Variants in STRBP observed in about 807,000 individuals in gnomAD.
STRBP encodes the protein spermatid perinuclear RNA-binding protein.
STRBP carries 13 observed loss-of-function variants against 80.1 expected under a neutral mutation model. The observed-to-expected ratio is 0.16, with a 90% CI of 0.11 to 0.26. STRBP has a LOEUF of 0.26. STRBP is among the 10% of genes least tolerant of loss of function. STRBP has a pLI of 1.00. For synonymous variants in STRBP, 284 were observed against 291.2 expected (o/e 0.98, Z 0.25); for missense variants, 485 against 815.2 (o/e 0.59, Z 4.93).
chr9:123,133,544 G>GT (rs1353811183), intron 16 of STRBP, among the ~76,000 whole-genome samples: 2 of 147,694 alleles, frequency 1.4e-5, no homozygotes, highest in African/African-American at 4.9e-5. Context: ...ATCTTTTTTT[G>GT]GTTTTTTTTT....
chr9:123,244,616 T>A (rs1340723588), intron 1 of STRBP, among the ~76,000 whole-genome samples: 1 of 152,166 alleles, frequency 6.6e-6, no homozygotes, highest in Non-Finnish European at 1.5e-5. Context: ...ACTGCTCCAA[T>A]GAAGTCTACT....
chr9:123,147,139 T>C, intron 12 of STRBP, 85 bp from the exon 13 acceptor site: 2 of 1,142,722 alleles, frequency 1.8e-6, no homozygotes, highest in Non-Finnish European at 1.2e-6. Context: ...GTAACTACTG[T>C]AAATTCACCA....
chr9:123,207,942 T>C (rs2039578618), intron 2 of STRBP, among the ~76,000 whole-genome samples: 1 of 152,210 alleles, frequency 6.6e-6, no homozygotes, highest in African/African-American at 2.4e-5. Context: ...TTTTTAAAAT[T>C]ATGTGAACAC....
intron 3 of STRBP, chr9:123,113,177 A>G (rs1402629932): frequency 1.2e-5 from 2 of 167,204 alleles, no homozygotes; most frequent in Non-Finnish European, 2.9e-5. Flanking sequence ...AACCACAGAC[A>G]TGGTCCTCCA....
chr9:123,124,536 G>A lies in STRBP; in HGVS notation c.*1061C>T. On this transcript the variant is annotated 3_prime_UTR_variant, in exon 19 of 19. Transcript: ENST00000348403. Reference sequence around the variant, plus strand: ...CTCAACAAGAACTGGGACAATCGAAGAGCAAGTTTTTATGGGGACCCTGTT... The same window carrying A: ...CTCAACAAGAACTGGGACAATCGAAAAGCAAGTTTTTATGGGGACCCTGTT... 1.0e-6 allele frequency: 1 copy of A among 985,390 alleles called. No homozygotes were observed. Among genetic ancestry groups the A allele is most frequent in the South Asian group, 4.7e-5 (1 of 21,278 alleles). 61.0% of individuals were successfully genotyped at this position (985,390 alleles called of 1,614,324 possible).
chr9:123,204,151 G>A (rs1221549534), intron 2 of STRBP, among the ~76,000 whole-genome samples: 2 of 152,084 alleles, frequency 1.3e-5, no homozygotes, highest in Non-Finnish European at 2.9e-5. Context: ...AAACACAAAC[G>A]AATTTCTCAA....
chr9:123,119,555 A>G (rs1333786550), downstream of STRBP, among the ~76,000 whole-genome samples: 2 of 152,070 alleles, frequency 1.3e-5, no homozygotes, highest in East Asian at 3.9e-4. Flanking sequence ...TCTAACCCCT[A>G]GATACCAGGA....
intron 3 of STRBP, chr9:123,180,990 C>A: frequency 1.1e-6 from 1 of 942,922 alleles, no homozygotes; most frequent in Non-Finnish European, 1.3e-6. Context: ...GTTTAAAAAT[C>A]ACATTATTTT....
In STRBP at chr9:123,110,399, G is replaced by A. The variant is rs2035545701; in HGVS notation, c.*85-646C>T. ...CCTCACTGTTCCTGGAAGTACGATT[G>A]CCCTAATTTATGGTTACCTCAGGAA... On this transcript the variant is annotated intron_variant and NMD_transcript_variant, in intron 3 of 3. Coordinates refer to the STRBP transcript ENST00000471564. This position sits in a 1 kb window ranked among gnomAD's most constrained non-coding sequence, Gnocchi z 4.1. The A allele has an allele frequency of 5.9e-6, 1 of 168,906 alleles. No individual in the cohort carries two copies. The allele number at this position is 168,906 out of a possible 1,614,324, so 10.5% of individuals were successfully genotyped here.
rs762469325 is a variant in STRBP at position 123,124,506 on chromosome 9, C to T, written c.*1091G>A. On this transcript the variant is annotated 3_prime_UTR_variant, in exon 19 of 19. Coordinates refer to ENST00000348403, the MANE Select transcript of STRBP (RefSeq NM_018387.5). ...GGCTGAAACCTGTCACTTTTCACAG[C>T]AGCACTCAACAAGAACTGGGACAAT... 5 of 985,414 alleles carry T rather than the reference C, an allele frequency of 5.1e-6. No homozygotes were observed. Among genetic ancestry groups the T allele is most frequent in the Non-Finnish European group, 6.0e-6 (5 of 829,934 alleles). 61.0% of individuals were successfully genotyped at this position (985,414 alleles called of 1,614,324 possible). A position where few individuals can be genotyped will look rare whatever the true frequency, so the allele number is the denominator to read the frequency against.
At chr9:123,213,752 C>G (rs2039793212) in intron 2 of STRBP, 1 of 152,028 alleles carries the variant, frequency 6.6e-6, no homozygotes, top group Non-Finnish European at 1.5e-5. Flanking sequence ...TGGTGAAACC[C>G]CGACGCTACT....
At chr9:123,135,360 C>T (rs75272007) in intron 16 of STRBP, among the ~76,000 whole-genome samples, 128 of 152,258 alleles carry the variant, frequency 8.4e-4, no homozygotes, top group Non-Finnish European at 1.6e-3. Flanking sequence ...CTCTATGAGG[C>T]ACAATGTGTC....
intron 5 of STRBP, among the ~76,000 whole-genome samples, chr9:123,172,365 A>G (rs1189160082): frequency 6.6e-6 from 1 of 152,204 alleles, no homozygotes; most frequent in Non-Finnish European, 1.5e-5. Context: ...ATATTCTAAT[A>G]AACTACAAGT....
At chr9:123,175,713 T>C (rs1320636212) in intron 4 of STRBP, among the ~76,000 whole-genome samples, 1 of 152,192 alleles carries the variant, frequency 6.6e-6, no homozygotes, top group Non-Finnish European at 1.5e-5. Flanking sequence ...CCCTCTATAA[T>C]CACCATCAAA....
intron 13 of STRBP, among the ~76,000 whole-genome samples, chr9:123,141,630 C>T (rs1275211060): frequency 6.6e-6 from 1 of 152,074 alleles, no homozygotes; most frequent in East Asian, 1.9e-4. Context: ...CATCTTTTCT[C>T]GACTCAACAT....
chr9:123,115,193 G>C lies in STRBP; in HGVS notation c.*84+736C>G. On this transcript the variant is annotated intron_variant and NMD_transcript_variant, in intron 3 of 3. Transcript: ENST00000471564. This position sits in a 1 kb window ranked among gnomAD's most constrained non-coding sequence, Gnocchi z 5.0. ...GCAAGGCCCTTCACACTCCCCAAGT[G>C]GGCACACTCTCTCTGTGCATGCATG... 1 of 471,066 alleles carries C rather than the reference G, an allele frequency of 2.1e-6. No homozygotes were observed. Among genetic ancestry groups the C allele is most frequent in the Non-Finnish European group, 4.4e-6 (1 of 226,978 alleles). The allele number at this position is 471,066 out of a possible 1,614,324, so 29.2% of individuals were successfully genotyped here. A position where few individuals can be genotyped will look rare whatever the true frequency, so the allele number is the denominator to read the frequency against.
intron 2 of STRBP, among the ~76,000 whole-genome samples, chr9:123,199,749 G>A (rs901655559): frequency 1.3e-5 from 2 of 152,298 alleles, no homozygotes; most frequent in Non-Finnish European, 2.9e-5. Context: ...AGAGTTTACT[G>A]AATTTGTTTA....
chr9:123,190,071 G>A (rs371262991), intron 2 of STRBP, among the ~76,000 whole-genome samples: 5 of 152,212 alleles, frequency 3.3e-5, no homozygotes, highest in Non-Finnish European at 4.4e-5. Flanking sequence ...CTTGAGGTCA[G>A]GAGTTCAAGG....
rs2036107933 is a variant in STRBP, at chr9:123,130,878, T to C, written c.1897+1967A>G. On this transcript the variant is annotated intron_variant, in intron 17 of 18. Transcript: ENST00000348403. ...GCTTCCTTTATATTCCTCCCATCTG[T>C]TCTCTTCTGGTCTCCCCCTTTCTTC... Among the ~76,000 whole-genome samples the C allele has an allele frequency of 2.0e-5, 3 of 152,144 alleles. No homozygotes were observed. The South Asian group carries it at 6.2e-4, about 32-fold the overall frequency.
Sources: allele counts gnomAD v4.1 joint callset (sites outside exome capture counted in the v4.1 genomes callset), GRCh38; gene constraint gnomAD v4.1.1; non-coding constraint Gnocchi (gnomAD v3.1); transcripts MANE v1.5; gene names NCBI Gene and HGNC (gene_info 2026-07-23, HGNC 2026-07-21).